Variants in UNC13C observed in about 807,000 individuals in gnomAD.
UNC13C encodes unc-13 homolog C, also known as protein unc-13 homolog C.
A neutral mutation model predicts 245.4 loss-of-function variants in UNC13C; 174 were observed. The observed-to-expected ratio is 0.71, with a 90% CI of 0.63 to 0.80. The LOEUF (loss-of-function observed/expected upper bound fraction) is 0.80, where lower values mean the gene tolerates loss of function less well. Ranked by LOEUF, UNC13C falls within the 30% of genes least tolerant of loss-of-function variation. UNC13C has a pLI of 0.00. For missense variants in UNC13C, 2,829 were observed against 2,602.9 expected (o/e 1.09, Z -1.89); for synonymous variants, 992 against 895.1 (o/e 1.11, Z -1.93).
chr15:54,023,327 G>A lies in UNC13C; in HGVS notation c.2983+7441G>A, dbSNP rs146919065. ...CCTGTTGCCAATGCAGGCCAGTCTTGTCATGAAAGATTATGGCTTATGTTT... is the reference window on the plus strand; with the variant it reads ...CCTGTTGCCAATGCAGGCCAGTCTTATCATGAAAGATTATGGCTTATGTTT... On this transcript the variant is annotated intron_variant, in intron 2 of 32. Transcript: ENST00000260323. 6.6e-5 allele frequency among the ~76,000 whole-genome samples: 10 copies of A among 152,288 alleles called. No individual in the cohort carries two copies. In the East Asian group the frequency reaches 1.7e-3, roughly 26 times the overall value.
chr15:54,569,691 T>C (rs1897667412), intron 30 of UNC13C, among the ~76,000 whole-genome samples: 2 of 152,198 alleles, frequency 1.3e-5, no homozygotes, highest in Non-Finnish European at 2.9e-5. Flanking sequence ...TAAAAACATA[T>C]GGGAAGAGGA....
At chr15:54,052,959 A>G (rs940941441) in intron 2 of UNC13C, among the ~76,000 whole-genome samples, 9 of 152,184 alleles carry the variant, frequency 5.9e-5, no homozygotes, top group African/African-American at 2.2e-4. Flanking sequence ...CAACTTAATA[A>G]ATTTAGAAAT....
chr15:54,535,979 C>T (rs1895966217), intron 26 of UNC13C, among the ~76,000 whole-genome samples: 2 of 151,786 alleles, frequency 1.3e-5, no homozygotes, highest in South Asian at 4.2e-4. Context: ...GAAAAATCAC[C>T]AGAATCAGTT....
chr15:53,877,323 G>C, the UNC13C span, among the ~76,000 whole-genome samples: 8,005 of 152,168 alleles, frequency 0.053, 276 homozygotes, highest in Middle Eastern at 0.15. Flanking sequence ...GCCCCATCCA[G>C]CCCTTCAATG....
At position 54,247,017 on chromosome 15, in the gene UNC13C, G is replaced by A. The variant is rs28465131; in HGVS notation, c.3229-3208G>A. Among the ~76,000 whole-genome samples the A allele has an allele frequency of 4.0e-3, 611 of 152,210 alleles. 4 individuals are homozygous for A. Among genetic ancestry groups the A allele is most frequent in the African/African-American group, 0.014 (597 of 41,544 alleles). On this transcript the variant is annotated intron_variant, in intron 7 of 32. Coordinates refer to ENST00000260323, the MANE Select transcript of UNC13C (RefSeq NM_001080534.3). Reference sequence around the variant, plus strand: ...TATTAATTAGGTTTTGCTTGTTCTAGGAATCTCCATGTGTCTGATTCCAAG... The same window carrying A: ...TATTAATTAGGTTTTGCTTGTTCTAAGAATCTCCATGTGTCTGATTCCAAG...
At chr15:53,889,890 C>T in the UNC13C span, among the ~76,000 whole-genome samples, 1 of 151,974 alleles carries the variant, frequency 6.6e-6, no homozygotes, top group African/African-American at 2.4e-5. Context: ...GCCTTGTGTC[C>T]CAGGGATGAA....
the UNC13C span, among the ~76,000 whole-genome samples, chr15:53,893,813 C>T: frequency 1.3e-5 from 2 of 152,230 alleles, no homozygotes; most frequent in African/African-American, 4.8e-5. Flanking sequence ...CCCACAGAGC[C>T]AGACCACTTG....
chr15:54,234,399 A>G (rs1443560222), intron 4 of UNC13C, among the ~76,000 whole-genome samples: 2 of 152,154 alleles, frequency 1.3e-5, no homozygotes, highest in Non-Finnish European at 2.9e-5. Flanking sequence ...TCAATATGCT[A>G]TTGATGAACA....
intron 14 of UNC13C, among the ~76,000 whole-genome samples, chr15:54,325,841 G>A (rs545814173): frequency 1.3e-5 from 2 of 152,116 alleles, no homozygotes; most frequent in African/African-American, 2.4e-5. Context: ...TTGGGCAAGG[G>A]TAAGAAGGTT....
chr15:54,487,121 C>A (rs139052104), intron 19 of UNC13C, among the ~76,000 whole-genome samples: 12 of 151,032 alleles, frequency 7.9e-5, no homozygotes, highest in African/African-American at 3.0e-4. Flanking sequence ...CAGAATTCTA[C>A]GTAGATCAAT....
At chr15:54,216,670 C>T (rs1164831149) in intron 4 of UNC13C, among the ~76,000 whole-genome samples, 1 of 151,888 alleles carries the variant, frequency 6.6e-6, no homozygotes, top group African/African-American at 2.4e-5. Flanking sequence ...ATGGGCAATT[C>T]AACATGCCAC....
chr15:54,391,586 T>G (rs2039957819), intron 17 of UNC13C, among the ~76,000 whole-genome samples: 1 of 152,116 alleles, frequency 6.6e-6, no homozygotes, highest in African/African-American at 2.4e-5. Context: ...CATATATACA[T>G]ACTTCTTAAA....
intron 19 of UNC13C, among the ~76,000 whole-genome samples, chr15:54,464,850 A>G (rs887203485): frequency 3.3e-5 from 5 of 151,998 alleles, no homozygotes; most frequent in South Asian, 2.1e-4. Flanking sequence ...TTTAAATGAT[A>G]AATAGTATTC....
intron 17 of UNC13C, among the ~76,000 whole-genome samples, chr15:54,386,493 C>A (rs887354988): frequency 6.6e-6 from 1 of 152,098 alleles, no homozygotes; most frequent in Non-Finnish European, 1.5e-5. Context: ...AGTGACACAT[C>A]CTGTGTGATT....
At chr15:54,117,068 G>A (rs190598977) in intron 2 of UNC13C, among the ~76,000 whole-genome samples, 18 of 152,050 alleles carry the variant, frequency 1.2e-4, no homozygotes, top group Admixed American at 9.2e-4. Context: ...GTCTTATTTT[G>A]ATAAATGGCT....
chr15:54,394,901 G>A (rs986618891), intron 18 of UNC13C, among the ~76,000 whole-genome samples: 21 of 151,790 alleles, frequency 1.4e-4, no homozygotes, highest in African/African-American at 4.3e-4. Context: ...GAATAAATAC[G>A]TTTATTTATG....
At chr15:54,329,116 T>G in intron 14 of UNC13C, among the ~76,000 whole-genome samples, 1 of 150,604 alleles carries the variant, frequency 6.6e-6, no homozygotes, top group East Asian at 2.0e-4. Context: ...GGATTTACCT[T>G]TTATTTATTT....
At chr15:54,622,280 TTAA>T (rs751557749) in intron 30 of UNC13C, 44 bp from the exon 31 acceptor site, 3 of 1,270,276 alleles carry the variant, frequency 2.4e-6, no homozygotes, top group Admixed American at 1.7e-5. Flanking sequence ...TTGTCCATTA[TTAA>T]TGAGTCTGAA....
intron 4 of UNC13C, among the ~76,000 whole-genome samples, chr15:54,177,261 T>A (rs11634695): frequency 0.18 from 27,980 of 152,050 alleles, 3,135 homozygotes; most frequent in Middle Eastern, 0.29. Context: ...ATAGTGATGG[T>A]AATAGTTACC....
Sources: gnomAD v4.1 joint callset for allele counts (sites outside exome capture counted in the v4.1 genomes callset) on GRCh38, gnomAD v4.1.1 for gene constraint, MANE v1.5 for transcripts, NCBI Gene and HGNC (gene_info 2026-07-23, HGNC 2026-07-21) for gene names.